NEU3: variants seen among roughly 807,000 people sequenced by gnomAD.
NEU3 encodes the protein neuraminidase 3, also known as sialidase-3.
NEU3 carries 10 observed loss-of-function variants against 11.4 expected under a neutral mutation model. The ratio of observed to expected loss-of-function variants is 0.88; its 90% confidence interval spans 0.54 to 1.49. The LOEUF is 1.49. NEU3 is among the 40% of genes most tolerant of loss of function. NEU3 has a pLI of 0.00. For missense variants in NEU3, 529 were observed against 581.8 expected, an observed-to-expected ratio of 0.91 and a Z score of 0.93; for synonymous variants, 212 against 228.2, an observed-to-expected ratio of 0.93 and a Z score of 0.64.
chr11:74,994,398 T>C (rs1948763888), intron 1 of NEU3, 111 bp from the exon 2 acceptor site: 1 of 709,314 alleles, frequency 1.4e-6, no homozygotes, highest in African/African-American at 1.8e-5. Context: ...CATTTGAATA[T>C]ATCTGTGCCC....
Position 74,994,599 on chromosome 11 carries a change from T to C in NEU3, c.185T>C (p.Leu62Pro), listed in dbSNP as rs867753731. 6.2e-7 allele frequency: 1 copy of C among 1,613,860 alleles called. No homozygotes were observed. Among genetic ancestry groups the C allele is most frequent in the African/African-American group, 1.3e-5 (1 of 74,910 alleles). Residue 62 changes from leucine to proline, a missense_variant, in exon 2 of 3, where the codon CTG becomes CCG. Transcript: ENST00000294064. ...GGGATTACCTACCGGATCCCAGCCC[T>C]GCTCTACATACCCCCCACCCACACC... ...DRGITYRIPALLYIPPTHTFL... is the reference protein window; with the variant it reads ...DRGITYRIPAPLYIPPTHTFL...
At chr11:74,982,106 T>A in the NEU3 span, among the ~76,000 whole-genome samples, 473 of 152,324 alleles carry the variant, frequency 3.1e-3, 11 homozygotes, top group Admixed American at 0.022. Context: ...AAATAAATGA[T>A]GGCAGTGATA....
intron 1 of NEU3, among the ~76,000 whole-genome samples, chr11:74,990,715 C>T (rs1265140065): frequency 6.6e-6 from 1 of 152,158 alleles, no homozygotes; most frequent in African/African-American, 2.4e-5. Context: ...GTGCTCCATT[C>T]TTCTTATCAC....
intron 2 of NEU3, among the ~76,000 whole-genome samples, chr11:74,995,804 T>C (rs1197604496): frequency 6.6e-6 from 1 of 151,454 alleles, no homozygotes; most frequent in Non-Finnish European, 1.5e-5. Flanking sequence ...TTATTATTAT[T>C]ATTATTATTA....
upstream of NEU3, chr11:74,988,801 CGGGCTGGA>C (rs1426623109): frequency 2.2e-6 from 1 of 462,890 alleles, no homozygotes; most frequent in East Asian, 4.1e-5. Flanking sequence ...GACCGAGCTG[CGGGCTGGA>C]GGGAGGGGCA....
At chr11:75,012,116 G>A (rs889938700), downstream of NEU3, among the ~76,000 whole-genome samples, 1 of 152,138 alleles carries the variant, frequency 6.6e-6, no homozygotes, top group Non-Finnish European at 1.5e-5. Context: ...TCCAGTTTCC[G>A]TCTGCATGCA....
chr11:75,000,312 A>AT (rs1948829716), intron 2 of NEU3, among the ~76,000 whole-genome samples: 1 of 152,088 alleles, frequency 6.6e-6, no homozygotes, highest in Non-Finnish European at 1.5e-5. Context: ...TGCCAGGTAT[A>AT]TTCAAATTGT....
upstream of NEU3, chr11:74,988,843 G>GGGCTCGC: frequency 1.8e-6 from 1 of 551,344 alleles, no homozygotes; most frequent in Non-Finnish European, 3.2e-6. Flanking sequence ...GGGACGGGGA[G>GGGCTCGC]GGCTCGCGGA....
At chr11:74,988,877 C>A (rs997035052), upstream of NEU3, 2 of 593,672 alleles carry the variant, frequency 3.4e-6, no homozygotes, top group Non-Finnish European at 5.9e-6. Context: ...TGGCCCCAAC[C>A]GCCACTGACT....
At chr11:74,994,350 G>A (rs752638055) in intron 1 of NEU3, among the ~76,000 whole-genome samples, 159 bp from the exon 2 acceptor site, 12 of 152,182 alleles carry the variant, frequency 7.9e-5, no homozygotes, top group South Asian at 2.1e-4. Context: ...TGCTTGCTTT[G>A]TGCTATTGAG....
upstream of NEU3, among the ~76,000 whole-genome samples, chr11:74,987,962 T>G (rs1948687814): frequency 1.5e-5 from 2 of 134,892 alleles, no homozygotes; most frequent in African/African-American, 5.6e-5. Context: ...CCTATGTTCT[T>G]TCAAAGAACC....
At position 75,006,158 on chromosome 11, in the gene NEU3, A is replaced by C. The variant is rs750215269; in HGVS notation, c.1052A>C (p.Glu351Ala). 1.2e-6 allele frequency: 2 copies of C among 1,614,040 alleles called. No individual in the cohort carries two copies. Among genetic ancestry groups the C allele is most frequent in the South Asian group, 2.2e-5 (2 of 91,084 alleles). The part of the protein sequence containing the change: ...QSSPGSSLRL[E>A]EEAGTPSESW... Reference sequence around the variant, plus strand: ...TCTCCAGGCAGTTCACTGAGGCTGGAGGAGGAAGCTGGAACACCGTCAGAA... The same window carrying C: ...TCTCCAGGCAGTTCACTGAGGCTGGCGGAGGAAGCTGGAACACCGTCAGAA... Residue 351 changes from glutamate (E) to alanine (A), a missense_variant, in exon 3 of 3, where the codon GAG becomes GCG. Coordinates refer to ENST00000294064, the MANE Select transcript of NEU3 (RefSeq NM_006656.6).
At chr11:74,993,425 C>G (rs1372932679) in intron 1 of NEU3, among the ~76,000 whole-genome samples, 27 of 152,254 alleles carry the variant, frequency 1.8e-4, no homozygotes, top group Non-Finnish European at 5.9e-5. Context: ...AGGATGGTCT[C>G]GATCTCCTGA....
At chr11:74,985,123 A>G (rs897538266), upstream of NEU3, among the ~76,000 whole-genome samples, 2 of 152,236 alleles carry the variant, frequency 1.3e-5, no homozygotes, top group African/African-American at 4.8e-5. Flanking sequence ...CTTTGGGTCT[A>G]TAAAATTTGA....
intron 2 of NEU3, among the ~76,000 whole-genome samples, chr11:74,995,492 C>T (rs117323171): frequency 0.014 from 2,175 of 152,198 alleles, 23 homozygotes; most frequent in Non-Finnish European, 0.021. Context: ...AGGCATACGT[C>T]GGAGATATTG....
At chr11:74,994,165 C>G (rs1189200689) in intron 1 of NEU3, among the ~76,000 whole-genome samples, 1 of 152,134 alleles carries the variant, frequency 6.6e-6, no homozygotes, top group Non-Finnish European at 1.5e-5. Flanking sequence ...CCTAGAAACT[C>G]CAAGCCAAGA....
At chr11:74,999,224 A>G (rs578172714) in intron 2 of NEU3, among the ~76,000 whole-genome samples, 1 of 152,152 alleles carries the variant, frequency 6.6e-6, no homozygotes, top group East Asian at 1.9e-4. Flanking sequence ...ATTGCATACT[A>G]TAGCCTCAAA....
chr11:74,996,158 C>A (rs1948788742), intron 2 of NEU3, among the ~76,000 whole-genome samples: 1 of 152,010 alleles, frequency 6.6e-6, no homozygotes, highest in South Asian at 2.1e-4. Flanking sequence ...TGTCTACCCC[C>A]AACAAGAAAT....
Position 75,006,113 on chromosome 11 carries a change from C to T in NEU3, c.1007C>T (p.Ala336Val), listed in dbSNP as rs771228179. Residue 336 changes from alanine to valine, a missense_variant, in exon 3 of 3, where the codon GCA becomes GTA. Transcript: ENST00000294064. ...HRCQDSSSKD[A>V]PTIQQSSPGS... ...TGCCAGGACTCTAGCAGCAAAGATG[C>T]ACCCACCATTCAGCAGAGCTCTCCA... 1.9e-6 allele frequency: 3 copies of T among 1,614,022 alleles called. No homozygotes were observed. In the South Asian group the frequency reaches 3.3e-5, roughly 18 times the overall value.
Sources: allele counts gnomAD v4.1 joint callset (sites outside exome capture counted in the v4.1 genomes callset), GRCh38; gene constraint gnomAD v4.1.1; transcripts MANE v1.5; gene names NCBI Gene and HGNC (gene_info 2026-07-23, HGNC 2026-07-21).